The following RASA3 variants were observed in gnomAD, a reference collection of about 807,000 sequenced individuals.
The protein encoded by RASA3 is RAS p21 protein activator 3.
In RASA3, 73 loss-of-function variants were observed where a neutral mutation model predicts 110.0. The observed-to-expected ratio is 0.66, with a 90% CI of 0.55 to 0.81. RASA3 has a LOEUF of 0.81. RASA3 is among the 30% of genes least tolerant of loss of function. The pLI is 0.00. For synonymous variants in RASA3, 500 were observed against 451.4 expected, an observed-to-expected ratio of 1.11 and a Z score of -1.37; for missense variants, 976 against 1,113.2, an observed-to-expected ratio of 0.88 and a Z score of 1.75.
At chr13:114,064,713 G>A (rs1003223741) in intron 2 of RASA3, among the ~76,000 whole-genome samples, 1 of 152,234 alleles carries the variant, frequency 6.6e-6, no homozygotes, top group African/African-American at 2.4e-5. Context: ...CAGCCACCAG[G>A]TGCCCCCCTT....
At chr13:114,069,710 A>G (rs187179816) in intron 2 of RASA3, among the ~76,000 whole-genome samples, 7 of 274 alleles carry the variant, frequency 0.026, no homozygotes, top group Non-Finnish European at 0.036. Flanking sequence ...TCGGGGGGCC[A>G]GGAGACTTGG....
At chr13:114,076,354 G>C (rs2079681456) in intron 1 of RASA3, among the ~76,000 whole-genome samples, 1 of 152,142 alleles carries the variant, frequency 6.6e-6, no homozygotes. Context: ...CCCGGGATGC[G>C]CCTTCTTCAC....
At chr13:114,113,673 G>A (rs1411872976) in intron 1 of RASA3, among the ~76,000 whole-genome samples, 26 of 111,874 alleles carry the variant, frequency 2.3e-4, no homozygotes, top group African/African-American at 8.5e-4. Context: ...CCACCATGGC[G>A]AGTGATGTCC....
At position 113,980,504 on chromosome 13, in the gene RASA3, A is replaced by G. The variant is rs1032705121; in HGVS notation, c.2430-1082T>C. Among the ~76,000 whole-genome samples, 5 of 149,980 alleles carry G rather than the reference A, an allele frequency of 3.3e-5. No homozygotes were observed. In the East Asian group the frequency reaches 8.6e-4, roughly 26 times the overall value. On this transcript the variant is annotated intron_variant, in intron 23 of 23. Coordinates refer to ENST00000334062, the MANE Select transcript of RASA3 (RefSeq NM_007368.4). ...CTCCTGCCATGTGTGTGCATCTTGTACCATGTGTGCCTCGTGTGCGCCTTC... is the reference window on the plus strand; with the variant it reads ...CTCCTGCCATGTGTGTGCATCTTGTGCCATGTGTGCCTCGTGTGCGCCTTC...
At chr13:113,997,346 C>T (rs2053279511) in intron 20 of RASA3, among the ~76,000 whole-genome samples, 1 of 152,214 alleles carries the variant, frequency 6.6e-6, no homozygotes, top group Admixed American at 6.5e-5. Context: ...CAAAGCCTGG[C>T]ATAGAGTTTC....
At chr13:114,109,696 G>A (rs1032896753) in intron 1 of RASA3, among the ~76,000 whole-genome samples, 7 of 152,130 alleles carry the variant, frequency 4.6e-5, no homozygotes, top group Admixed American at 3.3e-4. Context: ...GCTCCATCCC[G>A]GCTGTGCACA....
chr13:114,017,083 T>C (rs2053810063), intron 12 of RASA3, among the ~76,000 whole-genome samples, 154 bp downstream of exon 12: 1 of 152,156 alleles, frequency 6.6e-6, no homozygotes, highest in South Asian at 2.1e-4. Context: ...ATCCTCTTGA[T>C]AAAAGTGAAT....
intron 2 of RASA3, among the ~76,000 whole-genome samples, chr13:114,072,853 C>T (rs375463415): frequency 1.2e-4 from 18 of 152,086 alleles, no homozygotes; most frequent in East Asian, 9.7e-4. Context: ...GTGACGTACA[C>T]GCTCGGGACA....
At chr13:114,028,202 GGGGGGC>G in intron 5 of RASA3, among the ~76,000 whole-genome samples, 1 of 129,440 alleles carries the variant, frequency 7.7e-6, no homozygotes, top group African/African-American at 3.0e-5. Context: ...AGCGTCATCG[GGGGGGC>G]GGGGGGCAGG....
chr13:114,070,141 G>A (rs2079545303), intron 2 of RASA3, among the ~76,000 whole-genome samples: 1 of 113,104 alleles, frequency 8.8e-6, no homozygotes, highest in Non-Finnish European at 1.8e-5. Flanking sequence ...GGAGACTCAG[G>A]CGGCCGGGAG....
intron 2 of RASA3, among the ~76,000 whole-genome samples, chr13:114,070,427 A>G (rs2079551838): frequency 6.6e-6 from 1 of 152,130 alleles, no homozygotes; most frequent in African/African-American, 2.4e-5. Context: ...GCTTCCGACC[A>G]CAGATGTAGC....
chr13:114,013,132 G>A lies in RASA3; in HGVS notation c.1512+10C>T, dbSNP rs149085099. ...CTCAGAAAGCCTCGGTCCCTCAGCC[G>A]GTCACTCACCGTGTGGTGCGGCGTG... On this transcript the variant is annotated intron_variant, in intron 15 of 23. Transcript: ENST00000334062. 1.5e-3 allele frequency: 2,413 copies of A among 1,608,492 alleles called. 43 individuals carry two copies. The African/African-American group carries it at 0.028, about 19-fold the overall frequency.
At chr13:114,036,025 T>C (rs1435348160) in intron 4 of RASA3, 1 of 152,250 alleles carries the variant, frequency 6.6e-6, no homozygotes, top group Non-Finnish European at 1.5e-5. Context: ...TTTGCTGTGA[T>C]CCCCTGCAGG....
intron 1 of RASA3, chr13:114,108,719 G>T (rs923343201): frequency 1.3e-5 from 2 of 152,082 alleles, no homozygotes; most frequent in African/African-American, 4.8e-5. Context: ...AGGGTGTGGC[G>T]ACGACACAGC....
intron 23 of RASA3, among the ~76,000 whole-genome samples, chr13:113,981,271 G>A (rs932607745): frequency 6.6e-6 from 1 of 152,176 alleles, no homozygotes; most frequent in Non-Finnish European, 1.5e-5. Context: ...AGTGGGTTTC[G>A]TCCAGAGCTG....
chr13:114,125,904 GC>G (rs2080441508), intron 1 of RASA3, among the ~76,000 whole-genome samples: 1 of 148,478 alleles, frequency 6.7e-6, no homozygotes, highest in Admixed American at 6.7e-5. Flanking sequence ...GGCACCTGCT[GC>G]CCAACCTCGC....
intron 4 of RASA3, among the ~76,000 whole-genome samples, 154 bp from the exon 5 acceptor site, chr13:114,030,041 C>T (rs138606461): frequency 1.6e-4 from 25 of 152,374 alleles, no homozygotes; most frequent in East Asian, 9.7e-4. Context: ...ACTCCACCCC[C>T]GGGACGCAGG....
intron 9 of RASA3, among the ~76,000 whole-genome samples, chr13:114,019,156 G>A (rs1026972827): frequency 1.4e-4 from 22 of 152,166 alleles, no homozygotes; most frequent in African/African-American, 5.1e-4. Context: ...GGGGAAACGC[G>A]GAGGGGGATG....
At chr13:114,054,434 G>A (rs1034399191) in intron 2 of RASA3, among the ~76,000 whole-genome samples, 21 of 149,652 alleles carry the variant, frequency 1.4e-4, no homozygotes, top group Admixed American at 4.0e-4. Context: ...GTTGCTGCCC[G>A]GAGCCCAGGT....
Sources: gnomAD v4.1 joint callset for allele counts (sites outside exome capture counted in the v4.1 genomes callset) on GRCh38, gnomAD v4.1.1 for gene constraint, MANE v1.5 for transcripts, NCBI Gene and HGNC (gene_info 2026-07-23, HGNC 2026-07-21) for gene names.